The following MACROD2 variants were observed in gnomAD, a reference collection of about 807,000 sequenced individuals.
The protein encoded by MACROD2 is mono-ADP ribosylhydrolase 2, also known as ADP-ribose glycohydrolase MACROD2.
In MACROD2, 36 loss-of-function variants were observed where a neutral mutation model predicts 70.4. The observed-to-expected ratio is 0.51, with a 90% CI of 0.39 to 0.68. The LOEUF (loss-of-function observed/expected upper bound fraction) is 0.68, where lower values mean the gene tolerates loss of function less well. Among genes scored for constraint, MACROD2 ranks in the 30% least tolerant of loss-of-function variants. MACROD2 has a pLI of 0.00. For synonymous variants in MACROD2, 172 were observed against 178.8 expected, an observed-to-expected ratio of 0.96 and a Z score of 0.30; for missense variants, 496 against 538.4, an observed-to-expected ratio of 0.92 and a Z score of 0.78.
At chr20:14,997,664 C>A (rs964635414) in intron 5 of MACROD2, among the ~76,000 whole-genome samples, 1 of 152,194 alleles carries the variant, frequency 6.6e-6, no homozygotes, top group East Asian at 1.9e-4. Context: ...CCACCTGGGT[C>A]AGAAGGGAAC....
At chr20:15,341,368 A>G (rs978792831) in intron 6 of MACROD2, among the ~76,000 whole-genome samples, 1 of 152,186 alleles carries the variant, frequency 6.6e-6, no homozygotes, top group Non-Finnish European at 1.5e-5. Context: ...AAATAATATT[A>G]TAGTATCTTA....
At chr20:14,300,279 C>G (rs1294633512) in intron 3 of MACROD2, among the ~76,000 whole-genome samples, 1 of 152,318 alleles carries the variant, frequency 6.6e-6, no homozygotes, top group Admixed American at 6.5e-5. Flanking sequence ...TGCATTAGCT[C>G]ATGTGAATCT....
intron 3 of MACROD2, among the ~76,000 whole-genome samples, chr20:14,343,490 G>A (rs1051581137): frequency 7.9e-5 from 12 of 152,196 alleles, no homozygotes; most frequent in Admixed American, 2.6e-4. Context: ...CCAAGACTGA[G>A]TTGAAACCTG....
At chr20:15,705,907 G>A (rs1053941049) in intron 8 of MACROD2, among the ~76,000 whole-genome samples, 2 of 152,086 alleles carry the variant, frequency 1.3e-5, no homozygotes, top group Non-Finnish European at 2.9e-5. Context: ...ATTATCCCAA[G>A]CTTGTTAATG....
At chr20:14,560,056 G>C (rs1979320979) in intron 4 of MACROD2, among the ~76,000 whole-genome samples, 1 of 151,704 alleles carries the variant, frequency 6.6e-6, no homozygotes, top group Admixed American at 6.6e-5. Context: ...AAGCTCTACT[G>C]CTTAGTTCTT....
intron 5 of MACROD2, among the ~76,000 whole-genome samples, chr20:14,708,178 GCAT>G (rs2071292441): frequency 6.6e-6 from 1 of 152,162 alleles, no homozygotes; most frequent in Admixed American, 6.5e-5. Context: ...ACTAGTAATA[GCAT>G]TTCAGTCTCT....
intron 6 of MACROD2, among the ~76,000 whole-genome samples, chr20:15,263,404 C>G (rs1422226635): frequency 6.6e-6 from 1 of 151,854 alleles, no homozygotes; most frequent in African/African-American, 2.4e-5. Context: ...TGTTTTTATG[C>G]CAGTACCACA....
At chr20:14,312,038 T>C (rs912828506) in intron 3 of MACROD2, among the ~76,000 whole-genome samples, 1 of 152,172 alleles carries the variant, frequency 6.6e-6, no homozygotes, top group Non-Finnish European at 1.5e-5. Flanking sequence ...AAATTCTCAT[T>C]TTCATTACAT....
At chr20:14,740,743 A>C (rs528874205) in intron 5 of MACROD2, among the ~76,000 whole-genome samples, 2 of 152,186 alleles carry the variant, frequency 1.3e-5, no homozygotes, top group Admixed American at 1.3e-4. Flanking sequence ...TTTGTGGCTA[A>C]ATGAAAGATT....
rs150879552 is a variant in MACROD2, at chr20:15,927,648, G to A, written c.776-5628G>A. Among the ~76,000 whole-genome samples, 551 of 152,256 alleles carry A rather than the reference G, an allele frequency of 3.6e-3. 2 individuals are homozygous for A. Among genetic ancestry groups the A allele is most frequent in the African/African-American group, 0.013 (528 of 41,550 alleles). On this transcript the variant is annotated intron_variant, in intron 10 of 17. Coordinates refer to ENST00000684519, the MANE Select transcript of MACROD2 (RefSeq NM_001351661.2). ...GAAGCGGCAGCTATGACTCCTGCTA[G>A]GTGGAGACTATTCACTGCACACCTT...
chr20:15,746,616 CA>C (rs1222527906), intron 8 of MACROD2, among the ~76,000 whole-genome samples: 1 of 143,864 alleles, frequency 7.0e-6, no homozygotes, highest in Non-Finnish European at 1.5e-5. Context: ...TTATAATTTT[CA>C]AAATTAGGGA....
chr20:15,118,605 T>C (rs1461896327), intron 5 of MACROD2, among the ~76,000 whole-genome samples: 1 of 152,180 alleles, frequency 6.6e-6, no homozygotes, highest in African/African-American at 2.4e-5. Flanking sequence ...GCATTTGTCC[T>C]CAGTTTCAAA....
intron 5 of MACROD2, among the ~76,000 whole-genome samples, chr20:15,111,291 G>A (rs2075953708): frequency 6.6e-6 from 1 of 151,048 alleles, no homozygotes; most frequent in Admixed American, 6.6e-5. Flanking sequence ...TCCTGCCTTA[G>A]CCTCCCAAGC....
At position 15,156,426 on chromosome 20, in the gene MACROD2, C is replaced by G. The variant is rs939049862; in HGVS notation, c.419-73514C>G. Among the ~76,000 whole-genome samples, 35 of 152,026 alleles carry G rather than the reference C, an allele frequency of 2.3e-4. 1 individual carries two copies. Among genetic ancestry groups the G allele is most frequent in the African/African-American group, 8.2e-4 (34 of 41,412 alleles). Reference sequence around the variant, plus strand: ...TAATGGTAATCCACTTTTTTTCCCCCTTTGGTTTTCTTTTTAGCAAAGATT... The same window carrying G: ...TAATGGTAATCCACTTTTTTTCCCCGTTTGGTTTTCTTTTTAGCAAAGATT... On this transcript the variant is annotated intron_variant, in intron 5 of 17. Coordinates refer to ENST00000684519, the MANE Select transcript of MACROD2 (RefSeq NM_001351661.2).
intron 3 of MACROD2, among the ~76,000 whole-genome samples, chr20:14,112,689 A>G (rs766197515): frequency 6.6e-5 from 10 of 151,922 alleles, no homozygotes; most frequent in African/African-American, 1.7e-4. Flanking sequence ...TCTGGATGGT[A>G]TTCATTTTCT....
At chr20:14,798,992 G>C (rs1241146424) in intron 5 of MACROD2, among the ~76,000 whole-genome samples, 1 of 151,906 alleles carries the variant, frequency 6.6e-6, no homozygotes, top group East Asian at 1.9e-4. Context: ...GTTGTATACA[G>C]TGAATATATA....
chr20:15,427,438 G>A (rs1450506286), intron 6 of MACROD2, among the ~76,000 whole-genome samples: 1 of 152,200 alleles, frequency 6.6e-6, no homozygotes, highest in African/African-American at 2.4e-5. Context: ...GGATCTAAGA[G>A]GGAAGCGAAA....
chr20:14,338,866 T>C (rs2082981483), intron 3 of MACROD2, among the ~76,000 whole-genome samples: 1 of 152,252 alleles, frequency 6.6e-6, no homozygotes, highest in South Asian at 2.1e-4. Flanking sequence ...ACAATTGCTT[T>C]GTGCCCGTAA....
intron 3 of MACROD2, among the ~76,000 whole-genome samples, chr20:14,353,816 C>T (rs527480040): frequency 1.1e-4 from 16 of 151,894 alleles, no homozygotes; most frequent in Admixed American, 8.5e-4. Context: ...AAAATTAAAT[C>T]ACATGCCAAT....
Sources: allele counts gnomAD v4.1 joint callset (sites outside exome capture counted in the v4.1 genomes callset), GRCh38; gene constraint gnomAD v4.1.1; transcripts MANE v1.5; gene names NCBI Gene and HGNC (gene_info 2026-07-23, HGNC 2026-07-21).